CSMD1: variants seen among roughly 807,000 people sequenced by gnomAD.
CSMD1 encodes the protein CUB and Sushi multiple domains 1, also known as CUB and sushi domain-containing protein 1.
CSMD1 carries 213 observed loss-of-function variants against 417.5 expected under a neutral mutation model. The observed-to-expected ratio is 0.51, with a 90% CI of 0.46 to 0.57. CSMD1 has a LOEUF of 0.57. CSMD1 is among the 20% of genes least tolerant of loss of function. CSMD1 has a pLI of 0.00. For missense variants in CSMD1, 6,923 were observed against 4,529.7 expected (o/e 1.53, Z -15.17); for synonymous variants, 2,862 against 1,736.8 (o/e 1.65, Z -16.11).
At chr8:3,922,641 G>C (rs73174440) in intron 5 of CSMD1, among the ~76,000 whole-genome samples, 38,998 of 151,918 alleles carry the variant, frequency 0.26, 5,454 homozygotes, top group East Asian at 0.42. Flanking sequence ...ATGTAAATTT[G>C]GTCACATAAA....
intron 5 of CSMD1, among the ~76,000 whole-genome samples, chr8:3,836,515 C>G (rs533831623): frequency 6.6e-6 from 1 of 152,132 alleles, no homozygotes; most frequent in African/African-American, 2.4e-5. Context: ...TAAGCCACAT[C>G]TTACCCTTTA....
chr8:3,000,945 C>G (rs887558370), intron 52 of CSMD1, among the ~76,000 whole-genome samples: 5 of 152,104 alleles, frequency 3.3e-5, no homozygotes, highest in African/African-American at 1.2e-4. Context: ...CACATGGAGA[C>G]AGACCCTCTG....
chr8:4,028,357 T>C (rs777678089), intron 4 of CSMD1, among the ~76,000 whole-genome samples: 3 of 152,152 alleles, frequency 2.0e-5, no homozygotes. Context: ...AGATTAAATT[T>C]GCTAAAGTAG....
Position 3,339,034 on chromosome 8 carries a change from G to C in CSMD1, c.3631+4260C>G, listed in dbSNP as rs1309519137. 3.8e-5 allele frequency among the ~76,000 whole-genome samples: 5 copies of C among 130,306 alleles called. No homozygotes were observed. The East Asian group carries it at 1.1e-3, about 29-fold the overall frequency. 85.5% of individuals were successfully genotyped at this position (130,306 alleles called of 152,430 possible). ...CTGAGTGTGATATTCCCCTTCCTGT[G>C]TCCATGTGATCTCATTGTTCAATTC... On this transcript the variant is annotated intron_variant, in intron 23 of 69. Transcript: ENST00000635120.
chr8:4,360,133 G>C (rs916695534), intron 3 of CSMD1, among the ~76,000 whole-genome samples: 1 of 152,148 alleles, frequency 6.6e-6, no homozygotes, highest in East Asian at 1.9e-4. Flanking sequence ...AGGTTTGGCT[G>C]TGAGGATGAT....
At chr8:4,404,012 C>T (rs1338753805) in intron 3 of CSMD1, among the ~76,000 whole-genome samples, 2 of 152,140 alleles carry the variant, frequency 1.3e-5, no homozygotes, top group African/African-American at 2.4e-5. Flanking sequence ...TTAGCAAACT[C>T]GATTGGTATT....
intron 3 of CSMD1, among the ~76,000 whole-genome samples, chr8:4,059,436 T>G (rs918894450): frequency 6.6e-6 from 1 of 152,002 alleles, no homozygotes; most frequent in African/African-American, 2.4e-5. Flanking sequence ...AAGAAATAAC[T>G]AAAATCAGAG....
At chr8:4,089,335 G>C (rs1050478618) in intron 3 of CSMD1, among the ~76,000 whole-genome samples, 3 of 152,192 alleles carry the variant, frequency 2.0e-5, no homozygotes, top group South Asian at 2.1e-4. Context: ...AGAGAGCTCG[G>C]TATGGGGGAA....
At chr8:3,595,107 T>C (rs1439224445) in intron 8 of CSMD1, among the ~76,000 whole-genome samples, 1 of 152,172 alleles carries the variant, frequency 6.6e-6, no homozygotes, top group Non-Finnish European at 1.5e-5. Flanking sequence ...GATTGTCCTA[T>C]AAGGGAGTTT....
intron 3 of CSMD1, among the ~76,000 whole-genome samples, chr8:4,386,887 T>G (rs76957146): frequency 0.022 from 3,275 of 152,302 alleles, 112 homozygotes; most frequent in African/African-American, 0.072. Flanking sequence ...GAAAAAGGTA[T>G]AGTATCATGA....
At chr8:4,230,956 C>T (rs187574229) in intron 3 of CSMD1, among the ~76,000 whole-genome samples, 9 of 152,136 alleles carry the variant, frequency 5.9e-5, no homozygotes, top group Admixed American at 2.0e-4. Context: ...AAAACATGTG[C>T]TTAGATTATT....
At chr8:4,897,761 GTTATT>G (rs1396178305) in intron 1 of CSMD1, among the ~76,000 whole-genome samples, 3 of 152,050 alleles carry the variant, frequency 2.0e-5, no homozygotes, top group African/African-American at 7.3e-5. Flanking sequence ...ACTGCATTAT[GTTATT>G]TTAAGAATTC....
intron 5 of CSMD1, among the ~76,000 whole-genome samples, chr8:3,994,823 G>C (rs1241238765): frequency 6.6e-6 from 1 of 152,048 alleles, no homozygotes; most frequent in African/African-American, 2.4e-5. Context: ...TGAAAATAAG[G>C]CTAATCCTAT....
intron 3 of CSMD1, among the ~76,000 whole-genome samples, chr8:4,301,862 C>G (rs55650064): frequency 0.081 from 9,687 of 119,296 alleles, 393 homozygotes; most frequent in Non-Finnish European, 0.11. Context: ...ATTCTTCTGC[C>G]CAAGCTTCAC....
At chr8:3,462,986 G>T (rs889553093) in intron 12 of CSMD1, among the ~76,000 whole-genome samples, 1 of 152,198 alleles carries the variant, frequency 6.6e-6, no homozygotes, top group African/African-American at 2.4e-5. Flanking sequence ...GCCTTGCGCT[G>T]TCCACCACGT....
At chr8:3,880,067 T>A (rs370459232) in intron 5 of CSMD1, among the ~76,000 whole-genome samples, 2 of 143,600 alleles carry the variant, frequency 1.4e-5, no homozygotes, top group African/African-American at 5.5e-5. Context: ...CTTTTTTTTT[T>A]GACTGAGAAC....
intron 2 of CSMD1, among the ~76,000 whole-genome samples, chr8:4,498,945 G>C (rs182535115): frequency 6.6e-6 from 1 of 151,958 alleles, no homozygotes; most frequent in Non-Finnish European, 1.5e-5. Flanking sequence ...ATGGCCAGTG[G>C]TTCTATACAA....
At chr8:4,403,677 A>G (rs1312855514) in intron 3 of CSMD1, among the ~76,000 whole-genome samples, 1 of 152,068 alleles carries the variant, frequency 6.6e-6, no homozygotes, top group Non-Finnish European at 1.5e-5. Flanking sequence ...TCTAACCCCT[A>G]GAGTAACCAA....
intron 1 of CSMD1, among the ~76,000 whole-genome samples, chr8:4,785,261 T>C (rs948065638): frequency 2.0e-5 from 3 of 152,138 alleles, no homozygotes; most frequent in Non-Finnish European, 2.9e-5. Context: ...GAGGTGAACA[T>C]TGGCAAAGGT....
Sources: allele counts gnomAD v4.1 joint callset (sites outside exome capture counted in the v4.1 genomes callset), GRCh38; gene constraint gnomAD v4.1.1; transcripts MANE v1.5; gene names NCBI Gene and HGNC (gene_info 2026-07-23, HGNC 2026-07-21).